Variants in CNOT10 observed in about 807,000 individuals in gnomAD.
CNOT10 encodes CCR4-NOT transcription complex subunit 10.
A neutral mutation model predicts 94.6 loss-of-function variants in CNOT10; 30 were observed. That is an observed-to-expected ratio of 0.32 (90% CI 0.24 to 0.43). The LOEUF is 0.43. CNOT10 is among the 20% of genes least tolerant of loss of function. The pLI, the probability that CNOT10 is intolerant of heterozygous loss-of-function variation, is 1.00. For synonymous variants in CNOT10, 289 were observed against 301.6 expected (o/e 0.96, Z 0.43); for missense variants, 759 against 877.2 (o/e 0.87, Z 1.70).
intron 10 of CNOT10, among the ~76,000 whole-genome samples, chr3:32,730,014 C>T (rs1245769396): frequency 4.0e-5 from 6 of 151,842 alleles, no homozygotes; most frequent in African/African-American, 1.2e-4. Context: ...GTGATCCGCC[C>T]GCCTCGGCCT....
chr3:32,720,790 A>C (rs1449827882), intron 8 of CNOT10, among the ~76,000 whole-genome samples: 1 of 151,656 alleles, frequency 6.6e-6, no homozygotes, highest in Non-Finnish European at 1.5e-5. Context: ...TGGCCCAGAT[A>C]GCTTGTCTTT....
intron 1 of CNOT10, among the ~76,000 whole-genome samples, chr3:32,703,399 C>T (rs1016169922): frequency 5.9e-5 from 9 of 152,142 alleles, no homozygotes; most frequent in African/African-American, 1.9e-4. Context: ...AACCTATGTA[C>T]TGCTTTTTTT....
At chr3:32,712,350 A>G (rs941156279) in intron 4 of CNOT10, among the ~76,000 whole-genome samples, 5 of 152,164 alleles carry the variant, frequency 3.3e-5, no homozygotes, top group Non-Finnish European at 1.5e-5. Context: ...ATGTACAGAG[A>G]CCACACATAC....
At chr3:32,732,644 T>C (rs1699012885) in intron 10 of CNOT10, among the ~76,000 whole-genome samples, 1 of 151,450 alleles carries the variant, frequency 6.6e-6, no homozygotes, top group Admixed American at 6.6e-5. Flanking sequence ...TCTCACTATG[T>C]TGCCCAGGCT....
intron 13 of CNOT10, among the ~76,000 whole-genome samples, chr3:32,747,864 C>T (rs533377401): frequency 8.3e-4 from 127 of 152,262 alleles, no homozygotes; most frequent in African/African-American, 2.9e-3. Context: ...GGGAGAATTG[C>T]TTGAGTGCAG....
chr3:32,751,511 A>G (rs1699966053), intron 13 of CNOT10, among the ~76,000 whole-genome samples: 1 of 152,244 alleles, frequency 6.6e-6, no homozygotes, highest in African/African-American at 2.4e-5. Context: ...TTATTCCACA[A>G]GTGTAAATTA....
chr3:32,720,973 T>TCCTTC (rs1299837400), intron 8 of CNOT10, among the ~76,000 whole-genome samples: 1 of 142,146 alleles, frequency 7.0e-6, no homozygotes, highest in Non-Finnish European at 1.5e-5. Context: ...TTCCCTCCTT[T>TCCTTC]CCTTCCCTTC....
chr3:32,704,796 G>GTTTTT lies in CNOT10; in HGVS notation c.118-7_118-3dup. The GTTTTT allele has an allele frequency of 8.4e-7, 1 of 1,189,774 alleles. No individual in the cohort carries two copies. The highest frequency in any genetic ancestry group is 1.6e-5 in the African/African-American group (1 of 61,520). The allele number at this position is 1,189,774 out of a possible 1,614,324, so 73.7% of individuals were successfully genotyped here. On this transcript the variant is annotated splice_polypyrimidine_tract_variant and intron_variant, in intron 2 of 18. Transcript: ENST00000328834. ...ATGTAATTTTGTGTGTGTGTGTGTGGTTTTTTTTTTTTAGTCTGGAAATTA... is the reference window on the plus strand; with the variant it reads ...ATGTAATTTTGTGTGTGTGTGTGTGGTTTTTTTTTTTTTTTTTAGTCTGGAAATTA...
rs138716983 is a variant in CNOT10, at chr3:32,772,219, A to G, written c.2081-1238A>G. Among the ~76,000 whole-genome samples the G allele has an allele frequency of 4.8e-3, 738 of 152,278 alleles. 3 individuals are homozygous for G. The highest frequency in any genetic ancestry group is 0.012 in the Admixed American group (184 of 15,288). ...CACAAAATTAGCTGGGCGTGTTGGC[A>G]TACAGTTGTAGTTCCAGCTACTCAG... On this transcript the variant is annotated intron_variant, in intron 18 of 18. Transcript: ENST00000328834.
chr3:32,745,104 C>T (rs1429294085), intron 13 of CNOT10, among the ~76,000 whole-genome samples: 1 of 152,114 alleles, frequency 6.6e-6, no homozygotes, highest in Non-Finnish European at 1.5e-5. Flanking sequence ...GTATTGAACT[C>T]CTGGCCTCAA....
rs1295760903 is a variant in CNOT10 at position 32,773,699 on chromosome 3, T to C, written c.*88T>C. The C allele has an allele frequency of 7.5e-7, 1 of 1,335,168 alleles. No homozygotes were observed. The highest frequency in any genetic ancestry group is 1.0e-6 in the Non-Finnish European group (1 of 994,442). The allele number at this position is 1,335,168 out of a possible 1,614,324, so 82.7% of individuals were successfully genotyped here. A position where few individuals can be genotyped will look rare whatever the true frequency, so the allele number is the denominator to read the frequency against. ...GTATCACAGCAGAATGAATAAAAGA[T>C]GGTGAAGGCTGTTAATTTTGAGTCA... On this transcript the variant is annotated 3_prime_UTR_variant, in exon 19 of 19. Transcript: ENST00000328834.
intron 1 of CNOT10, among the ~76,000 whole-genome samples, chr3:32,699,170 A>G (rs981273940): frequency 6.6e-6 from 1 of 152,202 alleles, no homozygotes. Context: ...AGTTTGGTGA[A>G]TAGTTTGCTG....
chr3:32,770,347 ACAGAGT>A (rs1700846245), intron 18 of CNOT10, among the ~76,000 whole-genome samples: 1 of 126,148 alleles, frequency 7.9e-6, no homozygotes. Flanking sequence ...TTTTTTTGAG[ACAGAGT>A]CTTGCTCTGT....
intron 13 of CNOT10, among the ~76,000 whole-genome samples, chr3:32,738,638 A>G (rs1042152078): frequency 4.0e-5 from 6 of 151,412 alleles, no homozygotes; most frequent in Admixed American, 6.6e-5. Flanking sequence ...AATTTTTTGT[A>G]TTTTTAGTAG....
At chr3:32,691,921 A>C (rs1458862473) in intron 1 of CNOT10, among the ~76,000 whole-genome samples, 1 of 151,882 alleles carries the variant, frequency 6.6e-6, no homozygotes, top group Non-Finnish European at 1.5e-5. Flanking sequence ...GTGGTGGCGC[A>C]TGCCTGTAGT....
At chr3:32,709,980 C>G (rs1054530744) in intron 4 of CNOT10, among the ~76,000 whole-genome samples, 3 of 151,908 alleles carry the variant, frequency 2.0e-5, no homozygotes, top group Non-Finnish European at 4.4e-5. Flanking sequence ...AACCCCGTCT[C>G]TACTAAAAAT....
chr3:32,761,496 G>A (rs376889826), intron 14 of CNOT10, among the ~76,000 whole-genome samples: 2 of 152,094 alleles, frequency 1.3e-5, no homozygotes, highest in South Asian at 2.1e-4. Flanking sequence ...GGGTTCAGGC[G>A]ATTCTCCTGC....
chr3:32,759,516 G>T lies in CNOT10; in HGVS notation c.1654G>T (p.Ala552Ser). ...TCTGGCTTTGGGTGATAACCTCATG[G>T]CTTTGAATCATGCAGATAAACTTCT... The part of the protein sequence containing the change: ...VALALGDNLM[A>S]LNHADKLLQQ... The change falls in exon 14 of 19, where the codon GCT (alanine) becomes TCT (serine). Residue 552 changes from alanine to serine, a missense_variant. Ala to Ser is a moderately conservative substitution (Grantham distance 99). This residue lies in a region of CNOT10 where 682 missense variants were observed against 799.4 expected (regional missense o/e 0.85). Coordinates refer to ENST00000328834, the MANE Select transcript of CNOT10 (RefSeq NM_015442.3). 6.2e-7 allele frequency: 1 copy of T among 1,614,040 alleles called. No homozygotes were observed. Among genetic ancestry groups the T allele is most frequent in the Non-Finnish European group, 8.5e-7 (1 of 1,180,008 alleles).
At chr3:32,739,755 T>C (rs138623310) in intron 13 of CNOT10, among the ~76,000 whole-genome samples, 6,084 of 152,086 alleles carry the variant, frequency 0.04, 265 homozygotes, top group African/African-American at 0.1. Context: ...TGAAACCCCA[T>C]CTCTCCTAAA....
Sources: gnomAD v4.1 joint callset for allele counts (sites outside exome capture counted in the v4.1 genomes callset) on GRCh38, gnomAD v4.1.1 for gene constraint, gnomAD v4.1.1 regional missense constraint, MANE v1.5 for transcripts, NCBI Gene and HGNC (gene_info 2026-07-23, HGNC 2026-07-21) for gene names.